GATA6: variants seen among roughly 807,000 people sequenced by gnomAD.
The protein encoded by GATA6 is transcription factor GATA-6.
A neutral mutation model predicts 48.1 loss-of-function variants in GATA6; 11 were observed. The ratio of observed to expected loss-of-function variants is 0.23; its 90% confidence interval spans 0.14 to 0.38. GATA6 has a LOEUF of 0.38. Among genes scored for constraint, GATA6 ranks in the 10% least tolerant of loss-of-function variants. The probability of loss-of-function intolerance (pLI) is 1.00; values close to 1 mark genes in which losing one functional copy is unlikely to be tolerated. For missense variants in GATA6, 795 were observed against 850.3 expected (o/e 0.93, Z 0.81); for synonymous variants, 419 against 396.1 (o/e 1.06, Z -0.69).
chr18:22,176,754 G>A, intron 2 of GATA6: 1 of 595,352 alleles, frequency 1.7e-6, no homozygotes, highest in Non-Finnish European at 2.8e-6. Context: ...GTGTGCAGAA[G>A]TATTGGACAA....
chr18:22,182,151 T>C (rs186052235), intron 4 of GATA6, among the ~76,000 whole-genome samples: 2 of 152,298 alleles, frequency 1.3e-5, no homozygotes, highest in East Asian at 3.9e-4. Flanking sequence ...AAATACATGA[T>C]CTCTTTGAAA....
In GATA6 at chr18:22,171,736, C is replaced by A. The variant is rs387906814; in HGVS notation, c.592C>A (p.Leu198Met). ...GCCCACCACCCGCGTGGGTTCCATG[C>A]TGCCCGGCCTACCGTACCACCTGCA... ...YVPTTRVGSM[L>M]PGLPYHLQGS... Residue 198 changes from leucine to methionine, a missense_variant, in exon 2 of 7, where the codon CTG (leucine) becomes ATG (methionine). Physicochemically the swap from Leu to Met is conservative, Grantham distance 15 (BLOSUM62 2). Around this residue, in one of 5 missense-constraint regions of GATA6, gnomAD observed 591 missense variants for 570.0 expected, o/e 1.04. Coordinates refer to ENST00000269216, the MANE Select transcript of GATA6 (RefSeq NM_005257.6). The surrounding 1 kb of genome is among the most constrained non-coding windows in gnomAD (Gnocchi z 7.1). 6.8e-7 allele frequency: 1 copy of A among 1,469,042 alleles called. No individual in the cohort carries two copies. 91.0% of individuals were successfully genotyped at this position (1,469,042 alleles called of 1,614,324 possible).
In GATA6 at chr18:22,185,694, C is replaced by T. The variant is rs2033254576; in HGVS notation, c.1620+2651C>T. On this transcript the variant is annotated intron_variant, in intron 6 of 6. Coordinates refer to ENST00000269216, the MANE Select transcript of GATA6 (RefSeq NM_005257.6). The surrounding 1 kb of genome is among the most constrained non-coding windows in gnomAD (Gnocchi z 4.3). ...TTGTGGGGAAACAGCTACTCGTCTG[C>T]TGGCTGCCTTTGGAAGCTGTCCCCC... Among the ~76,000 whole-genome samples, 1 of 152,238 alleles carries T rather than the reference C, an allele frequency of 6.6e-6. No homozygotes were observed. The highest frequency in any genetic ancestry group is 1.5e-5 in the Non-Finnish European group (1 of 68,038).
chr18:22,171,413 C>T lies in GATA6; in HGVS notation c.269C>T (p.Ala90Val), dbSNP rs1341980994. The T allele has an allele frequency of 1.9e-6, 3 of 1,589,300 alleles. No individual in the cohort carries two copies. Among genetic ancestry groups the T allele is most frequent in the Non-Finnish European group, 2.6e-6 (3 of 1,175,464 alleles). ...LSSYASHPFG[A>V]PHGPSAPGVA... ...TCCTACGCTTCGCATCCCTTCGGGG[C>T]TCCCCACGGACCTTCGGCGCCTGGG... The change falls in exon 2 of 7, where the codon GCT becomes GTT. Residue 90 changes from alanine to valine, a missense_variant. Physicochemically the swap from Ala to Val is moderately conservative, Grantham distance 64. Coordinates refer to ENST00000269216, the MANE Select transcript of GATA6 (RefSeq NM_005257.6). This position sits in a 1 kb window ranked among gnomAD's most constrained non-coding sequence, Gnocchi z 7.1.
rs1256152588 is a variant in GATA6, at chr18:22,171,071, A to G, written c.-37-37A>G. 1.5e-6 allele frequency: 2 copies of G among 1,331,862 alleles called. No homozygotes were observed. The highest frequency in any genetic ancestry group is 2.4e-5 in the East Asian group (1 of 42,224). The allele number at this position is 1,331,862 out of a possible 1,614,324, so 82.5% of individuals were successfully genotyped here. ...AGCCTACGCTCTTGTTAACCCGTCGATCTCCTACCATACCCGTCTCCCCCA... is the reference window on the plus strand; with the variant it reads ...AGCCTACGCTCTTGTTAACCCGTCGGTCTCCTACCATACCCGTCTCCCCCA... On this transcript the variant is annotated intron_variant, in intron 1 of 6. Coordinates refer to ENST00000269216, the MANE Select transcript of GATA6 (RefSeq NM_005257.6). This position sits in a 1 kb window ranked among gnomAD's most constrained non-coding sequence, Gnocchi z 7.1.
chr18:22,174,554 A>G (rs1234493623), intron 2 of GATA6, among the ~76,000 whole-genome samples: 1 of 152,062 alleles, frequency 6.6e-6, no homozygotes, highest in Non-Finnish European at 1.5e-5. Context: ...TGTTTAAAAA[A>G]ATGGGAAGGG....
chr18:22,199,986 T>C (rs2033437250), intron 6 of GATA6, among the ~76,000 whole-genome samples: 1 of 151,872 alleles, frequency 6.6e-6, no homozygotes, highest in Admixed American at 6.6e-5. Context: ...TATAACGTGG[T>C]CTGCTTCAGA....
chr18:22,178,025 G>C (rs2033148523), intron 3 of GATA6, among the ~76,000 whole-genome samples: 3 of 139,060 alleles, frequency 2.2e-5, no homozygotes, highest in South Asian at 4.8e-4. Context: ...GCAATGGCGC[G>C]ATCTCGGCTC....
At chr18:22,198,756 G>A in intron 6 of GATA6, among the ~76,000 whole-genome samples, 1 of 152,184 alleles carries the variant, frequency 6.6e-6, no homozygotes, top group East Asian at 1.9e-4. Context: ...TAATCACTAT[G>A]TTTATAAGTA....
chr18:22,200,197 G>GTA (rs1471549974), intron 6 of GATA6, among the ~76,000 whole-genome samples: 1 of 152,006 alleles, frequency 6.6e-6, no homozygotes, highest in African/African-American at 2.4e-5. Context: ...GTGTGTGTGT[G>GTA]TGTGCGCGCG....
chr18:22,173,777 G>A (rs1174538049), intron 2 of GATA6, among the ~76,000 whole-genome samples: 2 of 152,176 alleles, frequency 1.3e-5, no homozygotes, highest in African/African-American at 4.8e-5. Context: ...GTGTAGCTGG[G>A]ATTACAGGCG....
At chr18:22,193,717 C>T (rs2033354621) in intron 6 of GATA6, among the ~76,000 whole-genome samples, 1 of 152,210 alleles carries the variant, frequency 6.6e-6, no homozygotes, top group Non-Finnish European at 1.5e-5. Flanking sequence ...GCCTGGGGCG[C>T]AGTGTTTTCT....
In GATA6 at chr18:22,182,384, T is replaced by C. The variant is rs946887025; in HGVS notation, c.1429-373T>C. 6.7e-5 allele frequency among the ~76,000 whole-genome samples: 10 copies of C among 149,370 alleles called. No individual in the cohort carries two copies. In the East Asian group the frequency reaches 9.8e-4, roughly 15 times the overall value. On this transcript the variant is annotated intron_variant, in intron 4 of 6. Transcript: ENST00000269216. Reference sequence around the variant, plus strand: ...TTTTTTTTCTTGTTTTGAGATGGAGTCTAACTCTTGTTGCCCAGGCTGGAG... The same window carrying C: ...TTTTTTTTCTTGTTTTGAGATGGAGCCTAACTCTTGTTGCCCAGGCTGGAG...
At chr18:22,189,621 C>G (rs2033304122) in intron 6 of GATA6, among the ~76,000 whole-genome samples, 2 of 152,160 alleles carry the variant, frequency 1.3e-5, no homozygotes, top group Admixed American at 6.5e-5. Flanking sequence ...AAGGCGAGCT[C>G]TGATGCAAGA....
intron 3 of GATA6, 119 bp downstream of exon 3, chr18:22,177,240 G>A: frequency 1.1e-6 from 1 of 921,020 alleles, no homozygotes; most frequent in Non-Finnish European, 1.5e-6. Flanking sequence ...AGGTGCGGCC[G>A]CTGCGGTCCC....
At chr18:22,178,792 A>G (rs1419960681) in intron 3 of GATA6, among the ~76,000 whole-genome samples, 1 of 152,226 alleles carries the variant, frequency 6.6e-6, no homozygotes, top group Non-Finnish European at 1.5e-5. Context: ...CATCATATTA[A>G]AGAAGAAAAA....
At position 22,171,995 on chromosome 18, in the gene GATA6, C is replaced by A. The variant is rs185325359; in HGVS notation, c.851C>A (p.Ala284Glu). 7.3e-6 allele frequency: 9 copies of A among 1,228,334 alleles called. No homozygotes were observed. The highest frequency in any genetic ancestry group is 8.1e-6 in the Non-Finnish European group (8 of 987,078). 76.1% of individuals were successfully genotyped at this position (1,228,334 alleles called of 1,614,324 possible). The change falls in exon 2 of 7, where the codon GCG (alanine) becomes GAG (glutamate). Residue 284 changes from alanine (A) to glutamate (E), a missense_variant. Ala to Glu is a moderately radical substitution (Grantham distance 107). This residue lies in a region of GATA6 where 591 missense variants were observed against 570.0 expected (regional missense o/e 1.04). Transcript: ENST00000269216. The surrounding 1 kb of genome is among the most constrained non-coding windows in gnomAD (Gnocchi z 7.1). ...GAAREPGGYA[A>E]AGSGGAGGVS... is the part of the protein sequence containing the mutation. Reference sequence around the variant, plus strand: ...GCGCGGGAGCCGGGAGGCTACGCGGCGGCGGGCAGTGGGGGCGCGGGAGGC... The same window carrying A: ...GCGCGGGAGCCGGGAGGCTACGCGGAGGCGGGCAGTGGGGGCGCGGGAGGC...
intron 2 of GATA6, among the ~76,000 whole-genome samples, chr18:22,173,842 T>G (rs1176687681): frequency 1.3e-5 from 2 of 151,710 alleles, no homozygotes; most frequent in Non-Finnish European, 2.9e-5. Flanking sequence ...GCCACGTTGG[T>G]CAGGCTGTTT....
At chr18:22,195,325 G>A (rs2033377193) in intron 6 of GATA6, among the ~76,000 whole-genome samples, 1 of 152,086 alleles carries the variant, frequency 6.6e-6, no homozygotes, top group Non-Finnish European at 1.5e-5. Context: ...CTTCTGACCC[G>A]CCCTCCTGTT....
Sources: gnomAD v4.1 joint callset for allele counts (sites outside exome capture counted in the v4.1 genomes callset) on GRCh38, gnomAD v4.1.1 for gene constraint, gnomAD v4.1.1 regional missense constraint, Gnocchi (gnomAD v3.1) non-coding constraint, MANE v1.5 for transcripts, NCBI Gene and HGNC (gene_info 2026-07-23, HGNC 2026-07-21) for gene names.